Variants in CNTN5 observed in about 807,000 individuals in gnomAD.
CNTN5 encodes contactin 5.
Under a neutral mutation model 129.1 loss-of-function variants are expected in CNTN5, and 77 were observed. The ratio of observed to expected loss-of-function variants is 0.60; its 90% CI spans 0.50 to 0.72. CNTN5 has a LOEUF of 0.72. Among genes scored for constraint, CNTN5 ranks in the 30% least tolerant of loss-of-function variants. The pLI is 0.00. For synonymous variants in CNTN5, 509 were observed against 465.6 expected (o/e 1.09, Z -1.20); for missense variants, 1,478 against 1,328.8 (o/e 1.11, Z -1.75).
chr11:100,136,152 C>A (rs911944684), intron 13 of CNTN5, among the ~76,000 whole-genome samples: 1 of 152,062 alleles, frequency 6.6e-6, no homozygotes, highest in African/African-American at 2.4e-5. Flanking sequence ...AGATTAAACC[C>A]AGGATTGTCA....
intron 3 of CNTN5, among the ~76,000 whole-genome samples, chr11:99,750,194 CATTAA>C (rs1944185598): frequency 6.6e-6 from 1 of 152,140 alleles, no homozygotes; most frequent in African/African-American, 2.4e-5. Context: ...TGTAAATCTA[CATTAA>C]ATTAATATAC....
chr11:99,443,121 CAA>C (rs1272175824), intron 2 of CNTN5, among the ~76,000 whole-genome samples: 1 of 152,032 alleles, frequency 6.6e-6, no homozygotes, highest in Non-Finnish European at 1.5e-5. Context: ...AATAAACAGA[CAA>C]AGATACTGGA....
At chr11:99,231,377 A>C (rs1279170354) in intron 1 of CNTN5, among the ~76,000 whole-genome samples, 1 of 152,098 alleles carries the variant, frequency 6.6e-6, no homozygotes, top group Non-Finnish European at 1.5e-5. Flanking sequence ...TCTGGGTTTG[A>C]TTTGCATTTC....
At chr11:100,308,619 G>T in intron 21 of CNTN5, 151 bp downstream of exon 21, 3 of 1,379,788 alleles carry the variant, frequency 2.2e-6, no homozygotes, top group South Asian at 3.5e-5. Flanking sequence ...TATTTTACTG[G>T]GATGTGTTAT....
intron 3 of CNTN5, among the ~76,000 whole-genome samples, chr11:99,754,319 AG>A (rs1944341189): frequency 6.6e-6 from 1 of 152,228 alleles, no homozygotes; most frequent in South Asian, 2.1e-4. Context: ...AAAGCTCCTT[AG>A]CTACTCCTCC....
chr11:99,171,738 C>T (rs1307626192), intron 1 of CNTN5, among the ~76,000 whole-genome samples: 1 of 152,120 alleles, frequency 6.6e-6, no homozygotes, highest in Non-Finnish European at 1.5e-5. Flanking sequence ...TGTTAAGAAC[C>T]ATTTTGCTCA....
chr11:99,832,444 C>G (rs1474965472), intron 4 of CNTN5, among the ~76,000 whole-genome samples: 2 of 151,432 alleles, frequency 1.3e-5, no homozygotes, highest in African/African-American at 4.8e-5. Flanking sequence ...TAGACTTTAA[C>G]TTATGTTGTG....
intron 15 of CNTN5, among the ~76,000 whole-genome samples, chr11:100,216,436 A>T (rs1453834622): frequency 6.6e-6 from 1 of 152,216 alleles, no homozygotes; most frequent in African/African-American, 2.4e-5. Flanking sequence ...GTAAAATATC[A>T]ATTCATCTAA....
chr11:100,289,388 G>A (rs1315598366), intron 18 of CNTN5, among the ~76,000 whole-genome samples: 1 of 151,506 alleles, frequency 6.6e-6, no homozygotes, highest in East Asian at 1.9e-4. Flanking sequence ...GAATCCAGCA[G>A]CACATCAAAA....
intron 8 of CNTN5, among the ~76,000 whole-genome samples, chr11:99,957,831 C>G (rs1394655824): frequency 3.3e-5 from 5 of 151,690 alleles, no homozygotes; most frequent in Non-Finnish European, 7.4e-5. Flanking sequence ...TTGCTTACTA[C>G]TTAGTTTATA....
intron 4 of CNTN5, among the ~76,000 whole-genome samples, chr11:99,839,604 A>G (rs1947414842): frequency 6.6e-6 from 1 of 152,140 alleles, no homozygotes. Context: ...ACATCTATGC[A>G]TTTAGATATT....
At chr11:100,057,799 A>G (rs993748417) in intron 9 of CNTN5, among the ~76,000 whole-genome samples, 1 of 151,990 alleles carries the variant, frequency 6.6e-6, no homozygotes, top group African/African-American at 2.4e-5. Flanking sequence ...CAGAAAACAT[A>G]TATTCATACC....
At chr11:99,264,135 T>C (rs1046589431) in intron 1 of CNTN5, among the ~76,000 whole-genome samples, 1 of 151,770 alleles carries the variant, frequency 6.6e-6, no homozygotes, top group African/African-American at 2.4e-5. Flanking sequence ...GCATAACTCA[T>C]GCTCACAGGA....
intron 6 of CNTN5, among the ~76,000 whole-genome samples, chr11:99,896,712 C>T (rs752047873): frequency 5.3e-5 from 8 of 152,184 alleles, no homozygotes; most frequent in Non-Finnish European, 1.0e-4. Context: ...AGGCTTCTCA[C>T]CTTTGCATGC....
intron 2 of CNTN5, among the ~76,000 whole-genome samples, chr11:99,541,578 T>G (rs1948108335): frequency 6.6e-6 from 1 of 152,084 alleles, no homozygotes; most frequent in Non-Finnish European, 1.5e-5. Flanking sequence ...AGATACAAGA[T>G]TGCTCAGGGA....
At chr11:99,830,925 T>A (rs1278722100) in intron 4 of CNTN5, among the ~76,000 whole-genome samples, 2 of 152,180 alleles carry the variant, frequency 1.3e-5, no homozygotes, top group Non-Finnish European at 2.9e-5. Flanking sequence ...TGAGGACTGC[T>A]TCATTTTTCT....
chr11:99,828,513 C>G lies in CNTN5; in HGVS notation c.277+8748C>G, dbSNP rs1591268707. Among the ~76,000 whole-genome samples, 3 of 152,144 alleles carry G rather than the reference C, an allele frequency of 2.0e-5. No individual in the cohort carries two copies. The East Asian group carries it at 5.8e-4, about 29-fold the overall frequency. On this transcript the variant is annotated intron_variant, in intron 4 of 24. Transcript: ENST00000524871. ...AATGGCCTAACCACCTCTTAAAGTC[C>G]CACCTCTTAATGCTGTTACAATATC... is the stretch of plus-strand genomic sequence containing the variant.
intron 3 of CNTN5, among the ~76,000 whole-genome samples, chr11:99,637,010 CAAAAAAAAAAAAA>C (rs869133131): frequency 2.6e-4 from 2 of 7,824 alleles, no homozygotes; most frequent in East Asian, 3.7e-3. Context: ...AACTTTGTCT[CAAAAAAAAAAAAA>C]AAAAAAAAAA....
At chr11:99,774,205 T>C (rs368471940) in intron 3 of CNTN5, among the ~76,000 whole-genome samples, 2 of 151,980 alleles carry the variant, frequency 1.3e-5, no homozygotes, top group African/African-American at 4.8e-5. Flanking sequence ...TAACTCTGTC[T>C]AGTACATTGC....
Sources: gnomAD v4.1 joint callset for allele counts (sites outside exome capture counted in the v4.1 genomes callset) on GRCh38, gnomAD v4.1.1 for gene constraint, MANE v1.5 for transcripts, NCBI Gene and HGNC (gene_info 2026-07-23, HGNC 2026-07-21) for gene names.